The following ADAMTS19 variants were observed in gnomAD, a reference collection of about 807,000 sequenced individuals.
ADAMTS19 encodes A disintegrin and metalloproteinase with thrombospondin motifs 19.
ADAMTS19 carries 93 observed loss-of-function variants against 153.3 expected under a neutral mutation model. The ratio of observed to expected loss-of-function variants is 0.61; its 90% CI spans 0.51 to 0.72. The LOEUF (loss-of-function observed/expected upper bound fraction) is 0.72. Among genes scored for constraint, ADAMTS19 ranks in the 30% least tolerant of loss-of-function variants. The pLI, the probability that ADAMTS19 is intolerant of heterozygous loss-of-function variation, is 0.00. For missense variants in ADAMTS19, 1,482 were observed against 1,552.1 expected (o/e 0.95, Z 0.76); for synonymous variants, 600 against 556.6 (o/e 1.08, Z -1.10).
intron 16 of ADAMTS19, among the ~76,000 whole-genome samples, chr5:129,678,826 C>CTAA (rs1754666564): frequency 6.6e-6 from 1 of 152,022 alleles, no homozygotes; most frequent in Non-Finnish European, 1.5e-5. Flanking sequence ...CTTCAAACAT[C>CTAA]TAATACTTGG....
intron 13 of ADAMTS19, among the ~76,000 whole-genome samples, chr5:129,651,510 C>T (rs537659042): frequency 7.4e-4 from 112 of 152,296 alleles, no homozygotes; most frequent in African/African-American, 2.6e-3. Flanking sequence ...GACTTCCATT[C>T]CACCCCTTAG....
chr5:129,616,551 TTTCCGCAGGATATCACAAAAC>T (rs923631905), intron 8 of ADAMTS19, among the ~76,000 whole-genome samples: 5 of 152,086 alleles, frequency 3.3e-5, no homozygotes, highest in Admixed American at 2.0e-4. Flanking sequence ...CTTCTCCAGC[TTTCCGCAGGATATCACAAAAC>T]TTCCTGGCAA....
At chr5:129,623,445 G>A (rs1046836202) in intron 10 of ADAMTS19, among the ~76,000 whole-genome samples, 14 of 152,116 alleles carry the variant, frequency 9.2e-5, no homozygotes, top group East Asian at 3.9e-4. Context: ...GTTAAGTATC[G>A]CTGAAACATA....
At chr5:129,550,034 ATACATATACATGTATCTGTATATGTATG>A in intron 6 of ADAMTS19, among the ~76,000 whole-genome samples, 4 of 117,366 alleles carry the variant, frequency 3.4e-5, no homozygotes, top group Non-Finnish European at 5.4e-5. Context: ...ATATCTAGAT[ATACATATACATGTATCTGTATATGTATG>A]TATCTAGATA....
At chr5:129,684,027 A>C (rs1297588527) in intron 17 of ADAMTS19, 93 bp from the exon 18 acceptor site, 2 of 1,330,850 alleles carry the variant, frequency 1.5e-6, no homozygotes, top group Non-Finnish European at 1.0e-6. Flanking sequence ...CAACACAATG[A>C]GCATTTTAAG....
chr5:129,592,726 G>C (rs1750199516), intron 7 of ADAMTS19, among the ~76,000 whole-genome samples: 1 of 151,902 alleles, frequency 6.6e-6, no homozygotes, highest in East Asian at 1.9e-4. Context: ...GGTTCTTTTG[G>C]GTCATTCTTT....
chr5:129,720,165 TATA>T (rs1581260559), intron 21 of ADAMTS19, among the ~76,000 whole-genome samples: 1 of 140,892 alleles, frequency 7.1e-6, no homozygotes, highest in Admixed American at 6.9e-5. Context: ...TATATATATA[TATA>T]TATTTATTTT....
At chr5:129,651,883 G>T (rs1319503230) in intron 13 of ADAMTS19, among the ~76,000 whole-genome samples, 1 of 152,066 alleles carries the variant, frequency 6.6e-6, no homozygotes, top group African/African-American at 2.4e-5. Context: ...CAATATGACT[G>T]TTCACATCAT....
intron 10 of ADAMTS19, among the ~76,000 whole-genome samples, chr5:129,627,296 C>A (rs1456859166): frequency 6.6e-6 from 1 of 151,812 alleles, no homozygotes; most frequent in Non-Finnish European, 1.5e-5. Context: ...AGAACCAAAG[C>A]AAATTAAGAT....
At chr5:129,724,695 G>A (rs1298149049) in intron 21 of ADAMTS19, among the ~76,000 whole-genome samples, 1 of 152,156 alleles carries the variant, frequency 6.6e-6, no homozygotes, top group Non-Finnish European at 1.5e-5. Flanking sequence ...ACTCCGGAGT[G>A]TGTCTTCTGA....
At chr5:129,494,989 C>T (rs924429059) in intron 2 of ADAMTS19, among the ~76,000 whole-genome samples, 2 of 151,884 alleles carry the variant, frequency 1.3e-5, no homozygotes, top group African/African-American at 4.8e-5. Context: ...TACTTTTGAG[C>T]CATAAGAAAG....
chr5:129,659,686 TCCC>T (rs1025027861), intron 15 of ADAMTS19, among the ~76,000 whole-genome samples: 28 of 152,086 alleles, frequency 1.8e-4, no homozygotes, highest in African/African-American at 6.5e-4. Context: ...GCTCAAACAA[TCCC>T]CCCAACTCAG....
chr5:129,597,429 C>T (rs534257073), intron 8 of ADAMTS19, among the ~76,000 whole-genome samples: 1 of 152,206 alleles, frequency 6.6e-6, no homozygotes, highest in South Asian at 2.1e-4. Context: ...ATTAAAATGG[C>T]AATTGTTGGA....
At chr5:129,480,596 T>C (rs1750374249) in intron 2 of ADAMTS19, among the ~76,000 whole-genome samples, 2 of 152,082 alleles carry the variant, frequency 1.3e-5, no homozygotes, top group South Asian at 2.1e-4. Flanking sequence ...AGCAGTCTGT[T>C]CACTAAAGAA....
intron 3 of ADAMTS19, among the ~76,000 whole-genome samples, chr5:129,515,171 A>G (rs1168780736): frequency 6.6e-6 from 1 of 152,040 alleles, no homozygotes; most frequent in East Asian, 1.9e-4. Context: ...TGCCACTACC[A>G]TGCTGTTTTG....
At chr5:129,656,542 A>G (rs1412231621) in intron 14 of ADAMTS19, among the ~76,000 whole-genome samples, 1 of 152,220 alleles carries the variant, frequency 6.6e-6, no homozygotes, top group African/African-American at 2.4e-5. Flanking sequence ...CTGTATGATC[A>G]TGTTATTTGC....
chr5:129,589,516 T>C (rs1453592024), intron 7 of ADAMTS19, among the ~76,000 whole-genome samples: 1 of 152,060 alleles, frequency 6.6e-6, no homozygotes, highest in Admixed American at 6.6e-5. Flanking sequence ...ACAACTTTTA[T>C]CACAGATCAG....
chr5:129,707,748 T>A (rs1756232231), intron 21 of ADAMTS19, among the ~76,000 whole-genome samples: 1 of 152,220 alleles, frequency 6.6e-6, no homozygotes, highest in Non-Finnish European at 1.5e-5. Context: ...AGTTAATCTG[T>A]CAGTTTCACG....
intron 10 of ADAMTS19, among the ~76,000 whole-genome samples, chr5:129,626,146 T>C (rs1752034650): frequency 6.6e-6 from 1 of 152,156 alleles, no homozygotes. Context: ...TTATACCTAT[T>C]AACAGAGAAT....
Sources: gnomAD v4.1 joint callset for allele counts (sites outside exome capture counted in the v4.1 genomes callset) on GRCh38, gnomAD v4.1.1 for gene constraint, MANE v1.5 for transcripts, NCBI Gene and HGNC (gene_info 2026-07-23, HGNC 2026-07-21) for gene names.